TASP1: variants seen among roughly 807,000 people sequenced by gnomAD.
TASP1 encodes threonine aspartase 1.
In TASP1, 16 loss-of-function variants were observed where a neutral mutation model predicts 56.6. The ratio of observed to expected loss-of-function variants is 0.28; its 90% CI spans 0.19 to 0.43. TASP1 has a LOEUF of 0.43. Among genes scored for constraint, TASP1 ranks in the 20% least tolerant of loss-of-function variants. TASP1 has a pLI of 1.00. For missense variants in TASP1, 393 were observed against 511.6 expected (o/e 0.77, Z 2.24); for synonymous variants, 179 against 184.2 (o/e 0.97, Z 0.23).
At chr20:13,393,475 GC>G in intron 13 of TASP1, 1 of 790,242 alleles carries the variant, frequency 1.3e-6, no homozygotes. Flanking sequence ...GTGTCAGAGG[GC>G]CCCCTCAAGG....
the TASP1 span, among the ~76,000 whole-genome samples, chr20:13,231,308 G>A: frequency 2.0e-5 from 3 of 152,206 alleles, no homozygotes; most frequent in Non-Finnish European, 4.4e-5. Context: ...AAAGAACCAG[G>A]CTACCCCATG....
At chr20:13,325,287 C>T in the TASP1 span, among the ~76,000 whole-genome samples, 2 of 152,152 alleles carry the variant, frequency 1.3e-5, no homozygotes, top group Non-Finnish European at 2.9e-5. Context: ...TTCTGAAATG[C>T]GAGGTTGCAC....
chr20:13,449,393 G>C (rs992348201), intron 11 of TASP1, among the ~76,000 whole-genome samples: 1 of 152,078 alleles, frequency 6.6e-6, no homozygotes, highest in African/African-American at 2.4e-5. Flanking sequence ...TTTACCATGA[G>C]AGCAACTCTA....
At chr20:13,369,259 A>T in the TASP1 span, among the ~76,000 whole-genome samples, 2 of 152,224 alleles carry the variant, frequency 1.3e-5, no homozygotes, top group Non-Finnish European at 1.5e-5. Flanking sequence ...CAGCCTGGCC[A>T]ACATGGTGGA....
intron 4 of TASP1, among the ~76,000 whole-genome samples, chr20:13,605,975 C>T (rs181963080): frequency 7.2e-5 from 11 of 152,252 alleles, no homozygotes. Flanking sequence ...TTCTCTCTTA[C>T]CACACTCCAG....
intron 8 of TASP1, among the ~76,000 whole-genome samples, chr20:13,546,402 C>CA (rs1357210282): frequency 6.6e-6 from 1 of 152,160 alleles, no homozygotes; most frequent in East Asian, 1.9e-4. Flanking sequence ...AACACTTCTT[C>CA]ACAGAAAAGA....
chr20:13,365,735 G>T, the TASP1 span, among the ~76,000 whole-genome samples: 1 of 152,220 alleles, frequency 6.6e-6, no homozygotes, highest in Non-Finnish European at 1.5e-5. Context: ...GTAGGGTATG[G>T]TAAGAAGTTT....
chr20:13,305,633 G>A, the TASP1 span, among the ~76,000 whole-genome samples: 4 of 152,266 alleles, frequency 2.6e-5, no homozygotes, highest in East Asian at 7.7e-4. Context: ...ATGTCTACAG[G>A]TCCTGCATAC....
chr20:13,296,163 A>G, the TASP1 span, among the ~76,000 whole-genome samples: 1 of 151,904 alleles, frequency 6.6e-6, no homozygotes, highest in Non-Finnish European at 1.5e-5. Context: ...CCACCCACTC[A>G]CTGGGCTGTT....
intron 13 of TASP1, among the ~76,000 whole-genome samples, chr20:13,413,639 AT>A: frequency 6.6e-6 from 1 of 152,178 alleles, no homozygotes; most frequent in Non-Finnish European, 1.5e-5. Context: ...CAAGGGTGAT[AT>A]TTTTTGAACT....
At chr20:13,606,269 C>T (rs1273975808) in intron 4 of TASP1, among the ~76,000 whole-genome samples, 1 of 152,090 alleles carries the variant, frequency 6.6e-6, no homozygotes, top group Admixed American at 6.5e-5. Flanking sequence ...TGAACAAGAA[C>T]TCCCTTCCCC....
chr20:13,342,705 T>C, the TASP1 span, among the ~76,000 whole-genome samples: 3 of 152,156 alleles, frequency 2.0e-5, no homozygotes, highest in Non-Finnish European at 2.9e-5. Context: ...TGCTAGCACA[T>C]TTGGAGATTT....
chr20:13,596,920 T>C (rs192295894), intron 4 of TASP1, among the ~76,000 whole-genome samples: 1 of 152,190 alleles, frequency 6.6e-6, no homozygotes, highest in Non-Finnish European at 1.5e-5. Context: ...TGCAAACACA[T>C]TGGAAAATCT....
the TASP1 span, among the ~76,000 whole-genome samples, chr20:13,344,829 C>A: frequency 6.6e-6 from 1 of 152,204 alleles, no homozygotes; most frequent in African/African-American, 2.4e-5. Flanking sequence ...ACTGAGCACA[C>A]TCAGCGGCTG....
intron 13 of TASP1, among the ~76,000 whole-genome samples, chr20:13,391,311 G>A (rs2041266605): frequency 6.6e-6 from 1 of 152,184 alleles, no homozygotes; most frequent in African/African-American, 2.4e-5. Context: ...GGAGGCTCCG[G>A]TAGAAGACAG....
At chr20:13,167,955 G>T in the TASP1 span, 1 of 152,158 alleles carries the variant, frequency 6.6e-6, no homozygotes. Flanking sequence ...ATAATTAAGT[G>T]TATATATACT....
the TASP1 span, among the ~76,000 whole-genome samples, chr20:13,343,090 G>C: frequency 6.6e-6 from 1 of 152,184 alleles, no homozygotes; most frequent in Non-Finnish European, 1.5e-5. Flanking sequence ...GGCAAGTAGG[G>C]GAAAATGTCC....
the TASP1 span, among the ~76,000 whole-genome samples, chr20:13,219,647 C>A: frequency 6.6e-6 from 1 of 152,190 alleles, no homozygotes; most frequent in South Asian, 2.1e-4. Context: ...CTATAAACAG[C>A]TGCCAATTTA....
At chr20:13,244,955 A>G in the TASP1 span, among the ~76,000 whole-genome samples, 2 of 152,220 alleles carry the variant, frequency 1.3e-5, no homozygotes, top group African/African-American at 4.8e-5. Context: ...AAACAATGAA[A>G]GAAAGGAGTG....
Sources: gnomAD v4.1 joint callset for allele counts (sites outside exome capture counted in the v4.1 genomes callset) on GRCh38, gnomAD v4.1.1 for gene constraint, MANE v1.5 for transcripts, NCBI Gene and HGNC (gene_info 2026-07-23, HGNC 2026-07-21) for gene names.